Variants in CFH observed in about 807,000 individuals in gnomAD.
The protein encoded by CFH is H factor 1 (complement).
In CFH, 53 loss-of-function variants were observed where a neutral mutation model predicts 147.3. The observed-to-expected ratio is 0.36, with a 90% CI of 0.29 to 0.45. CFH has a LOEUF of 0.45. Among genes scored for constraint, CFH ranks in the 20% least tolerant of loss-of-function variants. CFH has a pLI of 1.00. For synonymous variants in CFH, 536 were observed against 489.4 expected (o/e 1.10, Z -1.26); for missense variants, 1,380 against 1,498.0 (o/e 0.92, Z 1.30).
intron 12 of CFH, 64 bp from the exon 13 acceptor site, chr1:196,726,406 T>A (rs1669137615): frequency 3.2e-6 from 4 of 1,257,664 alleles, no homozygotes; most frequent in Non-Finnish European, 4.5e-6. Flanking sequence ...CTTTCCATTT[T>A]ACTGAATTTT....
chr1:196,683,387 G>C (rs1394916793), intron 6 of CFH, among the ~76,000 whole-genome samples: 1 of 151,572 alleles, frequency 6.6e-6, no homozygotes, highest in Non-Finnish European at 1.5e-5. Flanking sequence ...GCTTTTATCA[G>C]AGCAATGGCA....
intron 9 of CFH, among the ~76,000 whole-genome samples, chr1:196,698,487 T>G (rs1286738847): frequency 6.6e-6 from 1 of 151,968 alleles, no homozygotes; most frequent in East Asian, 1.9e-4. Flanking sequence ...ATGGATAAAT[T>G]CCTGGACACA....
At chr1:196,666,615 G>A (rs1055030048) in intron 1 of CFH, among the ~76,000 whole-genome samples, 5 of 150,760 alleles carry the variant, frequency 3.3e-5, no homozygotes, top group African/African-American at 9.8e-5. Flanking sequence ...TGGCTAACAC[G>A]GTGAAACACC....
intron 9 of CFH, among the ~76,000 whole-genome samples, chr1:196,710,420 T>C (rs1040854351): frequency 1.3e-5 from 2 of 152,214 alleles, no homozygotes; most frequent in Non-Finnish European, 2.9e-5. Context: ...TCCATGCATG[T>C]GAGTCTATTT....
chr1:196,673,232 A>G, intron 2 of CFH, 69 bp downstream of exon 2: 1 of 1,310,710 alleles, frequency 7.6e-7, no homozygotes. Context: ...TTAATATTGT[A>G]GCAATTATGC....
chr1:196,678,316 C>A (rs1239888078), intron 5 of CFH: 1 of 152,644 alleles, frequency 6.6e-6, no homozygotes, highest in Non-Finnish European at 1.5e-5. Context: ...TACTGCCAAC[C>A]TGTGCATCAT....
At position 196,668,947 on chromosome 1, in the gene CFH, G is replaced by A. The variant is rs192248860; in HGVS notation, c.59-4031G>A. On this transcript the variant is annotated intron_variant, in intron 1 of 21. Coordinates refer to ENST00000367429, the MANE Select transcript of CFH (RefSeq NM_000186.4). The stretch of plus-strand genomic sequence containing the variant: ...GGGCAGAGGTTGGAACAGTTTGGAG[G>A]TCTCAAAAGAAGACAGGAAGATGTG... Among the ~76,000 whole-genome samples the A allele has an allele frequency of 5.3e-5, 8 of 152,284 alleles. No individual in the cohort carries two copies. The East Asian group carries it at 1.5e-3, about 29-fold the overall frequency.
intron 9 of CFH, among the ~76,000 whole-genome samples, chr1:196,698,163 A>T (rs1044497657): frequency 8.5e-5 from 13 of 152,136 alleles, no homozygotes; most frequent in Non-Finnish European, 1.6e-4. Context: ...ATAATAATAA[A>T]AAAAGAATTA....
At chr1:196,689,747 A>G (rs1667959731) in intron 8 of CFH, 133 bp downstream of exon 8, 1 of 965,704 alleles carries the variant, frequency 1.0e-6, no homozygotes, top group South Asian at 1.5e-5. Context: ...AAGCAAAGTG[A>G]CCAAAATAGA....
At chr1:196,746,678 T>C (rs1573086747) in intron 21 of CFH, among the ~76,000 whole-genome samples, 1 of 152,288 alleles carries the variant, frequency 6.6e-6, no homozygotes, top group African/African-American at 2.4e-5. Context: ...GTGAGGACAC[T>C]TAAAATCTGC....
chr1:196,692,100 C>A (rs1185601618), intron 9 of CFH, among the ~76,000 whole-genome samples: 3 of 151,924 alleles, frequency 2.0e-5, no homozygotes, highest in Admixed American at 6.6e-5. Context: ...ATTTTTTAAC[C>A]AGCATTGCAG....
chr1:196,659,741 C>T (rs1666840533), intron 1 of CFH, among the ~76,000 whole-genome samples: 1 of 152,122 alleles, frequency 6.6e-6, no homozygotes, highest in African/African-American at 2.4e-5. Context: ...GTGTGTCTTA[C>T]AGGGAGGGGC....
chr1:196,661,972 G>A (rs1666925669), intron 1 of CFH, among the ~76,000 whole-genome samples: 1 of 152,170 alleles, frequency 6.6e-6, no homozygotes, highest in Non-Finnish European at 1.5e-5. Flanking sequence ...CCACAGGGCA[G>A]GTAGTCAGAA....
intron 9 of CFH, among the ~76,000 whole-genome samples, chr1:196,706,997 A>T (rs1398018421): frequency 1.3e-5 from 2 of 152,136 alleles, no homozygotes; most frequent in African/African-American, 4.8e-5. Context: ...GGTAGAGAAG[A>T]TTACCCTCAG....
chr1:196,695,519 A>G (rs79013675), intron 9 of CFH, among the ~76,000 whole-genome samples: 1 of 152,156 alleles, frequency 6.6e-6, no homozygotes, highest in African/African-American at 2.4e-5. Flanking sequence ...TGAAATTTAA[A>G]GCAGTTTTCT....
Position 196,746,399 on chromosome 1 carries a change from C to A in CFH, c.3493+400C>A, listed in dbSNP as rs1458769097. 3.3e-5 allele frequency among the ~76,000 whole-genome samples: 5 copies of A among 152,232 alleles called. No homozygotes were observed. The East Asian group carries it at 7.7e-4, about 24-fold the overall frequency. ...CCGGGAGGCGGAGGTTGCAGTGAGC[C>A]GAGTTCGCGCCACTGCACTCCAGCC... is the stretch of plus-strand genomic sequence containing the variant. On this transcript the variant is annotated intron_variant, in intron 21 of 21. Transcript: ENST00000367429.
At chr1:196,691,641 T>A (rs1169489652) in intron 9 of CFH, among the ~76,000 whole-genome samples, 2 of 151,860 alleles carry the variant, frequency 1.3e-5, no homozygotes, top group African/African-American at 4.8e-5. Context: ...TGGAATCATC[T>A]TAACAATTCT....
chr1:196,709,101 C>T (rs1668663334), intron 9 of CFH, among the ~76,000 whole-genome samples: 1 of 152,086 alleles, frequency 6.6e-6, no homozygotes, highest in Non-Finnish European at 1.5e-5. Context: ...GTACTTATAT[C>T]AATGCTTCTG....
At chr1:196,713,641 T>C (rs1668774602) in intron 9 of CFH, 94 bp from the exon 10 acceptor site, 3 of 838,380 alleles carry the variant, frequency 3.6e-6, no homozygotes, top group Non-Finnish European at 5.7e-6. Context: ...CAGTTACAAA[T>C]GACTCATTAT....
Sources: gnomAD v4.1 joint callset for allele counts (sites outside exome capture counted in the v4.1 genomes callset) on GRCh38, gnomAD v4.1.1 for gene constraint, MANE v1.5 for transcripts, NCBI Gene and HGNC (gene_info 2026-07-23, HGNC 2026-07-21) for gene names.